The following CNTN4 variants were observed in gnomAD, a reference collection of about 807,000 sequenced individuals.
CNTN4 encodes the protein contactin 4.
In CNTN4, 77 loss-of-function variants were observed where a neutral mutation model predicts 122.5. That is an observed-to-expected ratio of 0.63 (90% CI 0.52 to 0.76). The LOEUF (loss-of-function observed/expected upper bound fraction) is 0.76. Among genes scored for constraint, CNTN4 ranks in the 30% least tolerant of loss-of-function variants. The pLI is 0.00. For synonymous variants in CNTN4, 512 were observed against 447.0 expected (o/e 1.15, Z -1.83); for missense variants, 1,256 against 1,259.1 (o/e 1.00, Z 0.04).
rs1024857452 is a variant in CNTN4 at position 2,607,292 on chromosome 3, A to G, written c.55+35734A>G. Among the ~76,000 whole-genome samples, 14 of 152,206 alleles carry G rather than the reference A, an allele frequency of 9.2e-5. No individual in the cohort carries two copies. The South Asian group carries it at 1.2e-3, about 13-fold the overall frequency. On this transcript the variant is annotated intron_variant, in intron 4 of 24. Coordinates refer to ENST00000418658, the MANE Select transcript of CNTN4 (RefSeq NM_175607.3). ...ATCTAGCCATGATAATTCTAGATATATGCCCTAGAAAAGCAGGTGCATATA... is the reference window on the plus strand; with the variant it reads ...ATCTAGCCATGATAATTCTAGATATGTGCCCTAGAAAAGCAGGTGCATATA...
At chr3:2,892,659 G>A (rs1399425588) in intron 10 of CNTN4, among the ~76,000 whole-genome samples, 2 of 152,196 alleles carry the variant, frequency 1.3e-5, no homozygotes, top group Non-Finnish European at 2.9e-5. Flanking sequence ...AATGAAGTGT[G>A]AACTACAAGA....
chr3:2,906,766 C>T (rs1425423386), intron 12 of CNTN4, among the ~76,000 whole-genome samples: 1 of 150,980 alleles, frequency 6.6e-6, no homozygotes, highest in Non-Finnish European at 1.5e-5. Context: ...ATCACTTAGA[C>T]CCGGGAGACA....
Position 2,903,133 on chromosome 3 carries a change from A to G in CNTN4, c.1207+128A>G, listed in dbSNP as rs991472545. On this transcript the variant is annotated intron_variant, in intron 12 of 24. Transcript: ENST00000418658. The stretch of plus-strand genomic sequence containing the variant: ...AAGAAATCTTTAGGCCAAAGATGCT[A>G]CTCAAGAAACAAGTAATAAGCAAGT... 4 of 870,412 alleles carry G rather than the reference A, an allele frequency of 4.6e-6. No individual in the cohort carries two copies. The African/African-American group carries it at 6.8e-5, about 15-fold the overall frequency. 53.9% of individuals were successfully genotyped at this position (870,412 alleles called of 1,614,324 possible). A position where few individuals can be genotyped will look rare whatever the true frequency, so the allele number is the denominator to read the frequency against.
intron 2 of CNTN4, among the ~76,000 whole-genome samples, chr3:2,108,528 A>C (rs1251020340): frequency 6.6e-6 from 1 of 152,154 alleles, no homozygotes; most frequent in Admixed American, 6.5e-5. Flanking sequence ...CTCATTTAAC[A>C]TGCCACTCGG....
At chr3:2,971,040 G>A (rs1692863133) in intron 13 of CNTN4, among the ~76,000 whole-genome samples, 1 of 152,142 alleles carries the variant, frequency 6.6e-6, no homozygotes, top group African/African-American at 2.4e-5. Context: ...GCCCATCTCG[G>A]CCTCCCAAAG....
At chr3:3,038,333 C>A (rs1421983371) in intron 18 of CNTN4, among the ~76,000 whole-genome samples, 7 of 152,184 alleles carry the variant, frequency 4.6e-5, no homozygotes, top group African/African-American at 1.7e-4. Flanking sequence ...AGGTTAAGCT[C>A]AGTGAGCCGG....
At chr3:2,364,968 A>G (rs978680841) in intron 3 of CNTN4, among the ~76,000 whole-genome samples, 1 of 152,172 alleles carries the variant, frequency 6.6e-6, no homozygotes, top group African/African-American at 2.4e-5. Flanking sequence ...TTTTCAAAGC[A>G]TTTATTTATC....
intron 6 of CNTN4, among the ~76,000 whole-genome samples, chr3:2,747,668 G>A (rs2089869866): frequency 6.6e-6 from 1 of 152,098 alleles, no homozygotes; most frequent in African/African-American, 2.4e-5. Context: ...TTCGTGGTGG[G>A]TTGACCTGAG....
At chr3:2,104,821 A>G (rs9310629) in intron 2 of CNTN4, among the ~76,000 whole-genome samples, 62,262 of 152,098 alleles carry the variant, frequency 0.41, 13,131 homozygotes, top group East Asian at 0.48. Context: ...TGAGAAAATC[A>G]GCTAATTCTC....
chr3:2,326,529 A>ACAC (rs1559455091), intron 2 of CNTN4, among the ~76,000 whole-genome samples: 4 of 100,314 alleles, frequency 4.0e-5, no homozygotes, highest in African/African-American at 6.4e-5. Flanking sequence ...CACACACACA[A>ACAC]TCTTACTGAT....
chr3:2,329,825 C>T (rs891763394), intron 2 of CNTN4, among the ~76,000 whole-genome samples: 7 of 152,224 alleles, frequency 4.6e-5, no homozygotes, highest in African/African-American at 1.7e-4. Flanking sequence ...TCCTAACAGC[C>T]CTTATGAGGC....
intron 19 of CNTN4, 86 bp from the exon 20 acceptor site, chr3:3,039,951 A>G (rs980985024): frequency 1.4e-5 from 13 of 904,562 alleles, no homozygotes; most frequent in Non-Finnish European, 2.2e-5. Context: ...GGATGTAGAC[A>G]AGAATGTTAC....
chr3:2,524,559 A>AT (rs2077333346), intron 3 of CNTN4, among the ~76,000 whole-genome samples: 3 of 152,266 alleles, frequency 2.0e-5, no homozygotes, highest in African/African-American at 7.2e-5. Flanking sequence ...CAGTGGATGT[A>AT]ACTAAAGAGA....
chr3:2,925,318 G>A (rs1360511687), intron 12 of CNTN4, among the ~76,000 whole-genome samples: 3 of 152,186 alleles, frequency 2.0e-5, no homozygotes, highest in African/African-American at 7.2e-5. Context: ...CACTTTGGGA[G>A]GCTGAGGCGG....
chr3:2,861,433 A>T (rs2150775592), intron 7 of CNTN4, among the ~76,000 whole-genome samples: 1 of 152,334 alleles, frequency 6.6e-6, no homozygotes, highest in South Asian at 2.1e-4. Context: ...CATTTTACCC[A>T]TTTCATTTGT....
At chr3:2,183,036 A>G (rs145272170) in intron 2 of CNTN4, among the ~76,000 whole-genome samples, 2 of 152,128 alleles carry the variant, frequency 1.3e-5, no homozygotes, top group South Asian at 4.1e-4. Context: ...ATCTTCTCTG[A>G]AGAAGATTCT....
intron 4 of CNTN4, among the ~76,000 whole-genome samples, chr3:2,726,881 C>G (rs1384744044): frequency 1.3e-5 from 2 of 152,108 alleles, no homozygotes; most frequent in East Asian, 3.9e-4. Context: ...AAATACAGCA[C>G]AGGAATGCAA....
At chr3:2,472,562 G>A (rs1482132303) in intron 3 of CNTN4, among the ~76,000 whole-genome samples, 1 of 151,982 alleles carries the variant, frequency 6.6e-6, no homozygotes, top group East Asian at 1.9e-4. Flanking sequence ...TTACTTACAT[G>A]GTAAGCAAGA....
chr3:2,647,773 TGCTGTAGAGATACCA>T (rs1164573328), intron 4 of CNTN4, among the ~76,000 whole-genome samples: 1 of 152,208 alleles, frequency 6.6e-6, no homozygotes, highest in African/African-American at 2.4e-5. Flanking sequence ...AATTCTAAAT[TGCTGTAGAGATACCA>T]GCTGTCTCTG....
Sources: allele counts gnomAD v4.1 joint callset (sites outside exome capture counted in the v4.1 genomes callset), GRCh38; gene constraint gnomAD v4.1.1; transcripts MANE v1.5; gene names NCBI Gene and HGNC (gene_info 2026-07-23, HGNC 2026-07-21).